Variants in KCNQ5 observed in about 807,000 individuals in gnomAD.
The protein encoded by KCNQ5 is potassium voltage-gated channel subfamily KQT member 5.
KCNQ5 carries 30 observed loss-of-function variants against 98.2 expected under a neutral mutation model. That is an observed-to-expected ratio of 0.31 (90% CI 0.23 to 0.41). The LOEUF is 0.41. KCNQ5 is among the 10% of genes least tolerant of loss of function. The pLI is 1.00. For missense variants in KCNQ5, 835 were observed against 1,182.5 expected (o/e 0.71, Z 4.31); for synonymous variants, 458 against 449.4 (o/e 1.02, Z -0.24).
intron 1 of KCNQ5, among the ~76,000 whole-genome samples, chr6:72,838,258 T>C (rs1413745047): frequency 6.6e-6 from 1 of 152,028 alleles, no homozygotes; most frequent in African/African-American, 2.4e-5. Context: ...ATTGATTGAA[T>C]ACTTCCTTTG....
At chr6:73,078,170 T>C (rs2150392234) in intron 5 of KCNQ5, among the ~76,000 whole-genome samples, 1 of 151,638 alleles carries the variant, frequency 6.6e-6, no homozygotes, top group African/African-American at 2.4e-5. Flanking sequence ...AAATGGTGAT[T>C]AAAACATTGA....
At chr6:73,165,143 C>T (rs1447246098) in intron 10 of KCNQ5, among the ~76,000 whole-genome samples, 1 of 152,036 alleles carries the variant, frequency 6.6e-6, no homozygotes, top group Admixed American at 6.6e-5. Context: ...ACTACCATGC[C>T]TGGCTTTTTT....
chr6:73,141,250 A>G (rs1480733241), intron 10 of KCNQ5, among the ~76,000 whole-genome samples: 2 of 152,172 alleles, frequency 1.3e-5, no homozygotes, highest in Non-Finnish European at 2.9e-5. Context: ...CCCATTTATT[A>G]GGGCTCTGCC....
At chr6:73,157,969 C>T in intron 10 of KCNQ5, 2 of 763,076 alleles carry the variant, frequency 2.6e-6, no homozygotes, top group Middle Eastern at 5.7e-4. Flanking sequence ...AGTAGGGACT[C>T]TTCATACCCC....
chr6:72,844,687 G>T (rs1262504328), intron 1 of KCNQ5, among the ~76,000 whole-genome samples: 1 of 152,114 alleles, frequency 6.6e-6, no homozygotes, highest in Non-Finnish European at 1.5e-5. Flanking sequence ...TAAAAATCCT[G>T]CAAAGTACAC....
At chr6:72,661,592 G>A (rs1437851951) in intron 1 of KCNQ5, among the ~76,000 whole-genome samples, 1 of 151,898 alleles carries the variant, frequency 6.6e-6, no homozygotes, top group African/African-American at 2.4e-5. Context: ...ATTGATGTAG[G>A]CTTGGAAATG....
At chr6:73,116,366 TA>T (rs34303887) in intron 7 of KCNQ5, among the ~76,000 whole-genome samples, 1 of 152,114 alleles carries the variant, frequency 6.6e-6, no homozygotes, top group Admixed American at 6.5e-5. Context: ...GCATAATCCT[TA>T]AAAATAAGCA....
In KCNQ5 at chr6:73,194,882, C is replaced by T. The variant is rs2150527983; in HGVS notation, c.2267C>T (p.Ala756Val). The change falls in exon 14 of 14, where the codon GCC (alanine) becomes GTC (valine). Residue 756 changes from alanine to valine, a missense_variant. This residue lies in a region of KCNQ5 where 416 missense variants were observed against 446.9 expected (regional missense o/e 0.93). Transcript: ENST00000370398. ...TTLQIPPPLP[A>V]IKHLPRPETL... ...TTACAGATCCCACCTCCTCTCCCAGCCATCAAGCATCTGCCCAGGCCAGAA... is the reference window on the plus strand; with the variant it reads ...TTACAGATCCCACCTCCTCTCCCAGTCATCAAGCATCTGCCCAGGCCAGAA... 1 of 1,614,198 alleles carries T rather than the reference C, an allele frequency of 6.2e-7. No individual in the cohort carries two copies. The highest frequency in any genetic ancestry group is 8.5e-7 in the Non-Finnish European group (1 of 1,180,040).
At chr6:73,080,965 C>T (rs1773739676) in intron 5 of KCNQ5, among the ~76,000 whole-genome samples, 1 of 152,128 alleles carries the variant, frequency 6.6e-6, no homozygotes, top group African/African-American at 2.4e-5. Flanking sequence ...TAGTGAATAG[C>T]AATACCTAGT....
intron 11 of KCNQ5, among the ~76,000 whole-genome samples, chr6:73,188,845 T>G (rs1406017470): frequency 6.6e-6 from 1 of 151,936 alleles, no homozygotes; most frequent in Non-Finnish European, 1.5e-5. Flanking sequence ...TTAGCAGGTA[T>G]GGTGGCACGT....
At chr6:72,805,762 C>T (rs9360601) in intron 1 of KCNQ5, among the ~76,000 whole-genome samples, 152,010 of 152,296 alleles carry the variant, frequency 1, 75,864 homozygotes, top group Middle Eastern at 1. Context: ...CTTTAAGTAG[C>T]ATGAATATTT....
chr6:72,861,694 G>T (rs1470538992), intron 1 of KCNQ5, among the ~76,000 whole-genome samples: 4 of 152,008 alleles, frequency 2.6e-5, no homozygotes, highest in Admixed American at 2.6e-4. Context: ...GTACCAAATT[G>T]TCTGTTGTAA....
At chr6:73,109,908 T>C (rs549365905) in intron 6 of KCNQ5, among the ~76,000 whole-genome samples, 9 of 152,326 alleles carry the variant, frequency 5.9e-5, no homozygotes, top group South Asian at 2.1e-4. Context: ...CATGATTGCA[T>C]TACTTATTGT....
At chr6:73,170,803 G>A (rs549031945) in intron 11 of KCNQ5, among the ~76,000 whole-genome samples, 15 of 151,764 alleles carry the variant, frequency 9.9e-5, no homozygotes, top group Admixed American at 2.6e-4. Flanking sequence ...GTGTGGTGGC[G>A]GGCACCTGTA....
At chr6:72,726,173 C>A (rs924492278) in intron 1 of KCNQ5, among the ~76,000 whole-genome samples, 1 of 148,090 alleles carries the variant, frequency 6.8e-6, no homozygotes, top group African/African-American at 2.5e-5. Context: ...CAGGTATTTA[C>A]AAAGTATAGA....
chr6:72,790,213 C>A (rs1028515536), intron 1 of KCNQ5, among the ~76,000 whole-genome samples: 1 of 152,130 alleles, frequency 6.6e-6, no homozygotes, highest in Non-Finnish European at 1.5e-5. Flanking sequence ...TATAGAATGA[C>A]TGTAATCACA....
intron 1 of KCNQ5, among the ~76,000 whole-genome samples, chr6:72,936,951 A>G (rs963210822): frequency 6.6e-6 from 1 of 152,084 alleles, no homozygotes; most frequent in Non-Finnish European, 1.5e-5. Context: ...TCACATTTTC[A>G]TTTGTGTATT....
chr6:73,037,096 A>G (rs1454376171), intron 2 of KCNQ5, among the ~76,000 whole-genome samples: 1 of 152,142 alleles, frequency 6.6e-6, no homozygotes, highest in Non-Finnish European at 1.5e-5. Flanking sequence ...CATTTTTCTG[A>G]TGGCTAATGA....
chr6:73,019,887 G>A (rs1235873053), intron 2 of KCNQ5, among the ~76,000 whole-genome samples: 1 of 152,028 alleles, frequency 6.6e-6, no homozygotes, highest in East Asian at 1.9e-4. Context: ...TCAGTGCATA[G>A]CACCTATAAC....
Sources: allele counts gnomAD v4.1 joint callset (sites outside exome capture counted in the v4.1 genomes callset), GRCh38; gene constraint gnomAD v4.1.1; regional missense constraint gnomAD v4.1.1; transcripts MANE v1.5; gene names NCBI Gene and HGNC (gene_info 2026-07-23, HGNC 2026-07-21).